The following ESRRG variants were observed in gnomAD, a reference collection of about 807,000 sequenced individuals.
The protein encoded by ESRRG is estrogen related receptor gamma, also known as estrogen-related receptor gamma.
ESRRG carries 13 observed loss-of-function variants against 44.0 expected under a neutral mutation model. The observed-to-expected ratio is 0.30, with a 90% CI of 0.19 to 0.47. ESRRG has a LOEUF of 0.47. ESRRG is among the 20% of genes least tolerant of loss of function. The pLI, the probability that ESRRG is intolerant of heterozygous loss-of-function variation, is 1.00. For missense variants in ESRRG, 395 were observed against 580.6 expected, an observed-to-expected ratio of 0.68 and a Z score of 3.29; for synonymous variants, 215 against 214.6, an observed-to-expected ratio of 1.00 and a Z score of -0.02.
At chr1:216,831,665 C>A (rs1344094047) in intron 2 of ESRRG, among the ~76,000 whole-genome samples, 1 of 152,040 alleles carries the variant, frequency 6.6e-6, no homozygotes, top group Non-Finnish European at 1.5e-5. Context: ...TTAGATAATT[C>A]CTACTAAATA....
At chr1:216,596,291 ACT>A (rs1281314813) in intron 3 of ESRRG, among the ~76,000 whole-genome samples, 24 of 151,770 alleles carry the variant, frequency 1.6e-4, no homozygotes, top group Admixed American at 5.3e-4. Flanking sequence ...TGCCAACTCC[ACT>A]CTCTGTAAAT....
At chr1:216,599,729 T>C (rs1396834053) in intron 3 of ESRRG, among the ~76,000 whole-genome samples, 1 of 151,294 alleles carries the variant, frequency 6.6e-6, no homozygotes, top group African/African-American at 2.4e-5. Context: ...TCCTTTCAAA[T>C]ATTAAAAGAT....
intron 2 of ESRRG, among the ~76,000 whole-genome samples, chr1:216,832,373 C>T (rs1161696615): frequency 6.6e-6 from 1 of 152,108 alleles, no homozygotes; most frequent in Non-Finnish European, 1.5e-5. Flanking sequence ...TAGTCTTGGC[C>T]AGGTTTCTCC....
At chr1:217,108,681 C>G (rs1280244910) in intron 1 of ESRRG, among the ~76,000 whole-genome samples, 1 of 151,990 alleles carries the variant, frequency 6.6e-6, no homozygotes, top group African/African-American at 2.4e-5. Context: ...TCTGCTTCAC[C>G]ATGTGATGTG....
intron 2 of ESRRG, among the ~76,000 whole-genome samples, chr1:216,827,302 A>G (rs1026151449): frequency 6.6e-6 from 1 of 152,198 alleles, no homozygotes; most frequent in African/African-American, 2.4e-5. Context: ...TTGTATTAAG[A>G]CACTCACCTT....
At chr1:217,116,867 G>C (rs187679487) in intron 1 of ESRRG, among the ~76,000 whole-genome samples, 1 of 152,136 alleles carries the variant, frequency 6.6e-6, no homozygotes, top group Non-Finnish European at 1.5e-5. Context: ...AAGGATTGAG[G>C]ATAAATTTAA....
intron 2 of ESRRG, among the ~76,000 whole-genome samples, chr1:216,848,077 C>T (rs2095786426): frequency 6.6e-6 from 1 of 152,002 alleles, no homozygotes; most frequent in Non-Finnish European, 1.5e-5. Context: ...TTTTTGCCAC[C>T]CACTTAGTGA....
At chr1:216,671,755 G>T (rs2075225384) in intron 2 of ESRRG, among the ~76,000 whole-genome samples, 1 of 151,934 alleles carries the variant, frequency 6.6e-6, no homozygotes, top group Admixed American at 6.5e-5. Context: ...TAAATGTGGG[G>T]GAAAGAAGAA....
At chr1:216,511,009 A>G (rs1246471113) in intron 6 of ESRRG, among the ~76,000 whole-genome samples, 1 of 152,118 alleles carries the variant, frequency 6.6e-6, no homozygotes, top group East Asian at 1.9e-4. Flanking sequence ...GCCAAATCTC[A>G]TTTTGAGTAT....
chr1:216,752,399 C>G (rs545443202), intron 2 of ESRRG, among the ~76,000 whole-genome samples: 14 of 152,132 alleles, frequency 9.2e-5, no homozygotes, highest in African/African-American at 3.4e-4. Context: ...TGCAACAATT[C>G]ATCTCAGCTG....
intron 1 of ESRRG, among the ~76,000 whole-genome samples, chr1:216,688,173 C>CAGG (rs1559231103): frequency 6.6e-6 from 1 of 152,152 alleles, no homozygotes; most frequent in African/African-American, 2.4e-5. Context: ...TAAGAGAAAG[C>CAGG]AGGCGAGCCT....
intron 1 of ESRRG, among the ~76,000 whole-genome samples, chr1:217,135,306 G>T (rs1222869130): frequency 6.6e-6 from 1 of 151,354 alleles, no homozygotes; most frequent in Non-Finnish European, 1.5e-5. Flanking sequence ...CGCCCACCCC[G>T]CCTCCCACGT....
intron 1 of ESRRG, among the ~76,000 whole-genome samples, chr1:216,962,956 A>G: frequency 6.6e-6 from 1 of 152,208 alleles, no homozygotes; most frequent in East Asian, 1.9e-4. Context: ...AAATGTGGAA[A>G]TCCACATACC....
chr1:216,655,932 A>G (rs1393354888), intron 2 of ESRRG, among the ~76,000 whole-genome samples: 3 of 152,162 alleles, frequency 2.0e-5, no homozygotes, highest in African/African-American at 7.2e-5. Flanking sequence ...TCAATAAAGA[A>G]AGCATTTTAT....
At chr1:216,730,819 A>G (rs2088624696) in intron 2 of ESRRG, among the ~76,000 whole-genome samples, 1 of 152,142 alleles carries the variant, frequency 6.6e-6, no homozygotes, top group Admixed American at 6.5e-5. Context: ...AAAAAGAGGA[A>G]AAAAGGATTG....
At chr1:216,937,515 T>G (rs2064348771) in intron 2 of ESRRG, among the ~76,000 whole-genome samples, 1 of 152,202 alleles carries the variant, frequency 6.6e-6, no homozygotes, top group Admixed American at 6.5e-5. Context: ...TCCCACCCTC[T>G]GTGACAGATG....
chr1:216,700,061 C>T (rs917715891), intron 1 of ESRRG, among the ~76,000 whole-genome samples: 5 of 151,712 alleles, frequency 3.3e-5, no homozygotes, highest in Non-Finnish European at 2.9e-5. Context: ...AGAGAGAGAA[C>T]GAAGCACCAA....
intron 1 of ESRRG, among the ~76,000 whole-genome samples, chr1:216,711,816 T>C (rs80251142): frequency 6.6e-6 from 1 of 152,204 alleles, no homozygotes; most frequent in Non-Finnish European, 1.5e-5. Context: ...AGAAAAATAA[T>C]TTTAAAAAAG....
At chr1:216,809,138 T>C (rs2094890586) in intron 2 of ESRRG, among the ~76,000 whole-genome samples, 1 of 152,152 alleles carries the variant, frequency 6.6e-6, no homozygotes, top group African/African-American at 2.4e-5. Flanking sequence ...CAACTATATC[T>C]TTTTGCCAAT....
Sources: allele counts gnomAD v4.1 joint callset (sites outside exome capture counted in the v4.1 genomes callset), GRCh38; gene constraint gnomAD v4.1.1; transcripts MANE v1.5; gene names NCBI Gene and HGNC (gene_info 2026-07-23, HGNC 2026-07-21).